AHCY: variants seen among roughly 807,000 people sequenced by gnomAD.
AHCY encodes adenosylhomocysteinase, also known as S-adenosyl-L-homocysteine hydrolase.
AHCY carries 24 observed loss-of-function variants against 45.4 expected under a neutral mutation model. The observed-to-expected ratio is 0.53, with a 90% CI of 0.38 to 0.74. The LOEUF is 0.74. AHCY is among the 30% of genes least tolerant of loss of function. The pLI is 0.00. For missense variants in AHCY, 449 were observed against 594.1 expected (o/e 0.76, Z 2.54); for synonymous variants, 245 against 235.1 (o/e 1.04, Z -0.39).
At chr20:34,295,099 C>G (rs1440240557) in intron 2 of AHCY, 1 of 499,472 alleles carries the variant, frequency 2.0e-6, no homozygotes, top group African/African-American at 1.9e-5. Context: ...CAAGCTGGCC[C>G]TTAAGAGACT....
chr20:34,275,682 C>CTTTT (rs57480737), downstream of AHCY, among the ~76,000 whole-genome samples: 2 of 140,150 alleles, frequency 1.4e-5, no homozygotes, highest in African/African-American at 2.6e-5. Flanking sequence ...TTATATCTTT[C>CTTTT]TTTTTTTTTT....
At chr20:34,301,998 T>G (rs1480185257) in intron 1 of AHCY, 15 of 928,896 alleles carry the variant, frequency 1.6e-5, no homozygotes, top group South Asian at 5.3e-5. Flanking sequence ...TAGTGTCTTT[T>G]TTTGTTTGTT....
At chr20:34,302,798 C>T (rs1308814206) in intron 1 of AHCY, 7 of 1,009,984 alleles carry the variant, frequency 6.9e-6, no homozygotes, top group African/African-American at 1.7e-5. Flanking sequence ...CCTCATACAC[C>T]CTCCGGGGTG....
At chr20:34,298,440 C>T (rs1212572247) in intron 1 of AHCY, among the ~76,000 whole-genome samples, 2 of 152,008 alleles carry the variant, frequency 1.3e-5, no homozygotes, top group African/African-American at 2.4e-5. Context: ...GACAAGAGTG[C>T]GAGCCTTCTG....
At chr20:34,281,241 G>A in intron 9 of AHCY, 76 bp from the exon 10 acceptor site, 3 of 1,594,026 alleles carry the variant, frequency 1.9e-6, no homozygotes, top group Non-Finnish European at 1.7e-6. Context: ...TGCCAATAGA[G>A]GCAGAAGTGT....
At chr20:34,285,977 C>G (rs958740751) in intron 8 of AHCY, 1 of 327,692 alleles carries the variant, frequency 3.1e-6, no homozygotes, top group Non-Finnish European at 5.9e-6. Flanking sequence ...TGGTAGCAGG[C>G]GCCTGTGGTC....
At chr20:34,267,136 C>A in the AHCY span, among the ~76,000 whole-genome samples, 8 of 152,178 alleles carry the variant, frequency 5.3e-5, no homozygotes, top group African/African-American at 1.9e-4. Flanking sequence ...GGGAACATAG[C>A]AGTGAATAAG....
intron 8 of AHCY, among the ~76,000 whole-genome samples, chr20:34,289,730 G>A (rs1009369327): frequency 9.9e-5 from 15 of 151,830 alleles, no homozygotes; most frequent in South Asian, 6.3e-4. Flanking sequence ...CGCCCGCCTC[G>A]ACCTCCCAAA....
the AHCY span, among the ~76,000 whole-genome samples, chr20:34,255,104 C>A: frequency 2.6e-5 from 4 of 152,128 alleles, no homozygotes; most frequent in Non-Finnish European, 4.4e-5. Context: ...TGATGGTGAA[C>A]TGAGCTTGTA....
Position 34,285,605 on chromosome 20 carries a change from G to A in AHCY, c.1002C>T (p.Arg334=). Residue 334 remains arginine, a synonymous_variant, in exon 9 of 10, where the codon CGC becomes CGT. Coordinates refer to ENST00000217426, the MANE Select transcript of AHCY (RefSeq NM_000687.4). The stretch of plus-strand genomic sequence containing the variant: ...GACCCTCGGCCAGCAGGATGATGCG[G>A]CGCCCATTCTTCAACCGATACCGGT... The part of the protein sequence containing the change: ...QVDRYRLKNG[R]RIILLAEGRL... 2 of 1,613,940 alleles carry A rather than the reference G, an allele frequency of 1.2e-6. No individual in the cohort carries two copies. Among genetic ancestry groups the A allele is most frequent in the East Asian group, 2.2e-5 (1 of 44,866 alleles).
At chr20:34,285,199 G>T (rs1045529020) in intron 9 of AHCY, among the ~76,000 whole-genome samples, 1 of 152,068 alleles carries the variant, frequency 6.6e-6, no homozygotes, top group African/African-American at 2.4e-5. Flanking sequence ...CCGCTCCAAG[G>T]CCCAGGCTCT....
At chr20:34,272,077 T>C in the AHCY span, among the ~76,000 whole-genome samples, 5 of 150,608 alleles carry the variant, frequency 3.3e-5, no homozygotes, top group South Asian at 8.4e-4. Flanking sequence ...TGAGGGGTGC[T>C]AGAGGAGCCA....
At chr20:34,235,716 C>T in the AHCY span, among the ~76,000 whole-genome samples, 2 of 149,688 alleles carry the variant, frequency 1.3e-5, no homozygotes, top group East Asian at 2.0e-4. Flanking sequence ...CCCAGGAAGT[C>T]GTGGCTGAAG....
the AHCY span, among the ~76,000 whole-genome samples, chr20:34,236,387 CA>C: frequency 1.3e-5 from 2 of 151,696 alleles, no homozygotes; most frequent in African/African-American, 2.4e-5. Context: ...TAAAAATACA[CA>C]AAAAAATTAG....
chr20:34,305,460 G>C (rs973069600), upstream of AHCY, among the ~76,000 whole-genome samples: 1 of 152,134 alleles, frequency 6.6e-6, no homozygotes, highest in African/African-American at 2.4e-5. Flanking sequence ...CTGAGGGAAC[G>C]AGGGTCCACG....
At chr20:34,291,835 C>T (rs1043120188) in intron 4 of AHCY, among the ~76,000 whole-genome samples, 1 of 152,244 alleles carries the variant, frequency 6.6e-6, no homozygotes, top group African/African-American at 2.4e-5. Context: ...ACCCATCCTC[C>T]ATGCAGCAGC....
chr20:34,302,579 G>A, intron 1 of AHCY: 1 of 981,260 alleles, frequency 1.0e-6, no homozygotes, highest in Non-Finnish European at 1.2e-6. Context: ...CGATCCCACA[G>A]GAAACACTAA....
chr20:34,279,592 CAG>C (rs2035946777), downstream of AHCY, among the ~76,000 whole-genome samples: 1 of 152,090 alleles, frequency 6.6e-6, no homozygotes, highest in Non-Finnish European at 1.5e-5. Flanking sequence ...CTATTTACAG[CAG>C]AGTCACATCA....
At chr20:34,253,987 GGAAA>G in the AHCY span, among the ~76,000 whole-genome samples, 1 of 152,150 alleles carries the variant, frequency 6.6e-6, no homozygotes, top group African/African-American at 2.4e-5. Context: ...ATTGCAGAGT[GGAAA>G]GACAGTTGAG....
Sources: allele counts gnomAD v4.1 joint callset (sites outside exome capture counted in the v4.1 genomes callset), GRCh38; gene constraint gnomAD v4.1.1; transcripts MANE v1.5; gene names NCBI Gene and HGNC (gene_info 2026-07-23, HGNC 2026-07-21).